GRM5: variants seen among roughly 807,000 people sequenced by gnomAD.
The protein encoded by GRM5 is metabotropic glutamate receptor 5.
In GRM5, 19 loss-of-function variants were observed where a neutral mutation model predicts 83.1. The observed-to-expected ratio is 0.23, with a 90% CI of 0.16 to 0.34. The LOEUF (loss-of-function observed/expected upper bound fraction) is 0.34, where lower values mean the gene tolerates loss of function less well. Ranked by LOEUF, GRM5 falls within the 10% of genes least tolerant of loss-of-function variation. The pLI, the probability that GRM5 is intolerant of heterozygous loss-of-function variation, is 1.00. For synonymous variants in GRM5, 675 were observed against 633.6 expected, an observed-to-expected ratio of 1.07 and a Z score of -0.98; for missense variants, 1,160 against 1,588.3, an observed-to-expected ratio of 0.73 and a Z score of 4.58.
chr11:88,979,407 A>T (rs1188650055), intron 2 of GRM5, among the ~76,000 whole-genome samples: 1 of 152,238 alleles, frequency 6.6e-6, no homozygotes, highest in African/African-American at 2.4e-5. Flanking sequence ...TCTAACTTAC[A>T]TATTAATACA....
chr11:88,841,812 A>G (rs1327579926), intron 3 of GRM5, among the ~76,000 whole-genome samples: 2 of 151,730 alleles, frequency 1.3e-5, no homozygotes, highest in Non-Finnish European at 1.5e-5. Context: ...CAGTATTGCA[A>G]AAGACATGAT....
At chr11:88,512,159 C>T (rs146482290) in intron 9 of GRM5, 1 of 154,356 alleles carries the variant, frequency 6.5e-6, no homozygotes, top group African/African-American at 2.4e-5. Flanking sequence ...GTTGCAAAAC[C>T]TCTAGGTGAG....
chr11:88,974,491 G>A (rs191661276), intron 2 of GRM5, among the ~76,000 whole-genome samples: 2 of 151,906 alleles, frequency 1.3e-5, no homozygotes, highest in African/African-American at 4.8e-5. Flanking sequence ...AATATTAATT[G>A]GTGTATGTAT....
intron 9 of GRM5, among the ~76,000 whole-genome samples, chr11:88,522,588 GCTCT>G (rs1171853966): frequency 2.2e-5 from 3 of 134,342 alleles, no homozygotes; most frequent in South Asian, 2.5e-4. Context: ...TCTCTCTCTC[GCTCT>G]CTCTCTCTCT....
At chr11:88,938,206 G>T (rs1347234910) in intron 2 of GRM5, among the ~76,000 whole-genome samples, 2 of 151,676 alleles carry the variant, frequency 1.3e-5, no homozygotes, top group Non-Finnish European at 3.0e-5. Context: ...TGTCAAGAAA[G>T]CTGGGAGGAA....
chr11:88,799,484 T>C (rs962347177), intron 3 of GRM5, among the ~76,000 whole-genome samples: 6 of 152,142 alleles, frequency 3.9e-5, no homozygotes, highest in African/African-American at 1.4e-4. Context: ...ATGGAAATTT[T>C]TGAAGCATAT....
At chr11:88,695,654 A>G (rs779569998) in intron 3 of GRM5, among the ~76,000 whole-genome samples, 16 of 152,290 alleles carry the variant, frequency 1.1e-4, no homozygotes, top group Non-Finnish European at 2.1e-4. Context: ...TCCAAATACA[A>G]TGGTCCTGAA....
intron 1 of GRM5, among the ~76,000 whole-genome samples, chr11:89,065,390 T>A (rs992072427): frequency 2.1e-5 from 3 of 146,154 alleles, no homozygotes; most frequent in Non-Finnish European, 4.4e-5. Flanking sequence ...CTTTATCTTT[T>A]CCTCCTCTGT....
intron 2 of GRM5, among the ~76,000 whole-genome samples, chr11:88,858,709 T>G (rs1002327750): frequency 1.3e-5 from 2 of 152,154 alleles, no homozygotes; most frequent in East Asian, 1.9e-4. Context: ...CCAGCAACTC[T>G]AGTTCATATA....
At chr11:88,666,688 A>G (rs887626911) in intron 3 of GRM5, among the ~76,000 whole-genome samples, 3 of 152,210 alleles carry the variant, frequency 2.0e-5, no homozygotes, top group African/African-American at 7.2e-5. Context: ...TTGTAAAGAC[A>G]AACTGGAAAG....
intron 2 of GRM5, among the ~76,000 whole-genome samples, chr11:88,919,616 T>C (rs1198559462): frequency 1.3e-5 from 2 of 151,820 alleles, no homozygotes; most frequent in Non-Finnish European, 2.9e-5. Context: ...CCTCAGCACA[T>C]ACATCATGCT....
At chr11:88,946,212 T>G (rs559317992) in intron 2 of GRM5, among the ~76,000 whole-genome samples, 5 of 152,082 alleles carry the variant, frequency 3.3e-5, no homozygotes, top group Non-Finnish European at 7.4e-5. Flanking sequence ...AGAACTGCTA[T>G]TATTAAAAAG....
At chr11:88,866,206 T>C (rs1003340396) in intron 2 of GRM5, among the ~76,000 whole-genome samples, 2 of 152,054 alleles carry the variant, frequency 1.3e-5, no homozygotes, top group African/African-American at 2.4e-5. Flanking sequence ...TTATATACCA[T>C]GGAATACTAT....
chr11:88,661,990 T>C (rs922910306), intron 3 of GRM5, among the ~76,000 whole-genome samples: 6 of 152,178 alleles, frequency 3.9e-5, no homozygotes, highest in African/African-American at 1.2e-4. Flanking sequence ...AATCTCAATA[T>C]TTCTCATTTC....
chr11:88,820,129 C>T (rs1943760380), intron 3 of GRM5, among the ~76,000 whole-genome samples: 2 of 151,672 alleles, frequency 1.3e-5, no homozygotes. Context: ...GCCTGTAATC[C>T]CAGCACTTTG....
At chr11:88,615,662 A>T (rs2135248332) in intron 4 of GRM5, among the ~76,000 whole-genome samples, 1 of 152,246 alleles carries the variant, frequency 6.6e-6, no homozygotes, top group South Asian at 2.1e-4. Flanking sequence ...AAAAAAAAAA[A>T]AAAAAATCAA....
intron 4 of GRM5, among the ~76,000 whole-genome samples, chr11:88,632,856 G>A (rs746660608): frequency 6.6e-6 from 1 of 152,030 alleles, no homozygotes; most frequent in Non-Finnish European, 1.5e-5. Context: ...ATATGACCAG[G>A]CTTTATAATT....
chr11:88,539,031 T>C (rs1239441187), intron 8 of GRM5, among the ~76,000 whole-genome samples: 1 of 152,238 alleles, frequency 6.6e-6, no homozygotes, highest in Admixed American at 6.5e-5. Flanking sequence ...CCTATGCTTT[T>C]ACTTGAGCCC....
chr11:88,868,837 C>T (rs1312970995), intron 2 of GRM5, among the ~76,000 whole-genome samples: 1 of 151,720 alleles, frequency 6.6e-6, no homozygotes, highest in East Asian at 1.9e-4. Flanking sequence ...AGATATAACC[C>T]CTGTAATCAG....
Sources: gnomAD v4.1 joint callset for allele counts (sites outside exome capture counted in the v4.1 genomes callset) on GRCh38, gnomAD v4.1.1 for gene constraint, MANE v1.5 for transcripts, NCBI Gene and HGNC (gene_info 2026-07-23, HGNC 2026-07-21) for gene names.